Variants in TNFRSF1B observed in about 807,000 individuals in gnomAD.
TNFRSF1B encodes tumor necrosis factor receptor superfamily member 1B.
In TNFRSF1B, 19 loss-of-function variants were observed where a neutral mutation model predicts 44.6. That is an observed-to-expected ratio of 0.43 (90% confidence interval 0.30 to 0.62). TNFRSF1B has a LOEUF of 0.62. TNFRSF1B is among the 20% of genes least tolerant of loss of function. The pLI is 0.16. For missense variants in TNFRSF1B, 541 were observed against 619.9 expected, an observed-to-expected ratio of 0.87 and a Z score of 1.35; for synonymous variants, 252 against 261.1, an observed-to-expected ratio of 0.97 and a Z score of 0.34.
At chr1:12,205,542 C>T (rs1391654283) in intron 9 of TNFRSF1B, among the ~76,000 whole-genome samples, 1 of 152,180 alleles carries the variant, frequency 6.6e-6, no homozygotes, top group East Asian at 1.9e-4. Flanking sequence ...TGTTCACACC[C>T]ATCCAGATGG....
Position 12,189,995 on chromosome 1 carries a change from G to A in TNFRSF1B, c.179-962G>A, listed in dbSNP as rs376949712. ...TGTGTGGCCCAGGATGAGCGAAGGCGAGTACGGTAGGGGAGGAGGAGGAAG... is the reference window on the plus strand; with the variant it reads ...TGTGTGGCCCAGGATGAGCGAAGGCAAGTACGGTAGGGGAGGAGGAGGAAG... On this transcript the variant is annotated intron_variant, in intron 2 of 9. Coordinates refer to ENST00000376259, the MANE Select transcript of TNFRSF1B (RefSeq NM_001066.3). 6.7e-4 allele frequency among the ~76,000 whole-genome samples: 102 copies of A among 152,324 alleles called. 1 individual carries two copies. Among genetic ancestry groups the A allele is most frequent in the South Asian group, 6.0e-3 (29 of 4,830 alleles).
chr1:12,184,574 G>A (rs1366370965), intron 1 of TNFRSF1B, among the ~76,000 whole-genome samples: 3 of 152,202 alleles, frequency 2.0e-5, no homozygotes, highest in African/African-American at 4.8e-5. Flanking sequence ...AGGGGAGGAG[G>A]TGGGAGGCCA....
Position 12,199,228 on chromosome 1 carries a change from G to A in TNFRSF1B, c.901-2739G>A, listed in dbSNP as rs1220668325. On this transcript the variant is annotated intron_variant, in intron 8 of 9. Coordinates refer to ENST00000376259, the MANE Select transcript of TNFRSF1B (RefSeq NM_001066.3). The surrounding 1 kb of genome is among the most constrained non-coding windows in gnomAD (Gnocchi z 4.0). ...AAAAACCCCTTTTGTGGGGTTGTGA[G>A]GAGTGACAATTGGCTGCTTCTCCTC... 6.6e-6 allele frequency among the ~76,000 whole-genome samples: 1 copy of A among 152,232 alleles called. No individual in the cohort carries two copies. Among genetic ancestry groups the A allele is most frequent in the African/African-American group, 2.4e-5 (1 of 41,458 alleles).
At chr1:12,198,659 TGCTGGCTGGCTG>T (rs138944650) in intron 8 of TNFRSF1B, among the ~76,000 whole-genome samples, 4,015 of 141,214 alleles carry the variant, frequency 0.028, 197 homozygotes, top group African/African-American at 0.098. Flanking sequence ...GAGCTGAGGG[TGCTGGCTGGCTG>T]GCTGGCTGGC....
In TNFRSF1B at chr1:12,174,244, CCTTCTCCTTCTCCTTCTT is replaced by C; in HGVS notation, c.78+7081_78+7098del. Among the ~76,000 whole-genome samples the C allele has an allele frequency of 2.1e-5, 3 of 141,136 alleles. No individual in the cohort carries two copies. In the Admixed American group the frequency reaches 2.2e-4, roughly 10 times the overall value. The allele number at this position is 141,136 out of a possible 152,430, so 92.6% of individuals were successfully genotyped here. A position where few individuals can be genotyped will look rare whatever the true frequency, so the allele number is the denominator to read the frequency against. Reference sequence around the variant, plus strand: ...TCCTTCTCCTTCTCCTTCTCCTTCTCCTTCTCCTTCTCCTTCTTCTTCTGATGGAGTCTGACTCCGTTG... The same window carrying C: ...TCCTTCTCCTTCTCCTTCTCCTTCTCCTTCTGATGGAGTCTGACTCCGTTG... On this transcript the variant is annotated intron_variant, in intron 1 of 9. Transcript: ENST00000376259.
intron 8 of TNFRSF1B, among the ~76,000 whole-genome samples, chr1:12,200,926 T>G (rs770125435): frequency 6.6e-6 from 1 of 152,104 alleles, no homozygotes; most frequent in Admixed American, 6.5e-5. Flanking sequence ...TGGCCACAAA[T>G]TATTCTTAAA....
intron 8 of TNFRSF1B, among the ~76,000 whole-genome samples, chr1:12,198,708 T>TTTTTTTTTTTTTTTTAAA: frequency 6.8e-6 from 1 of 146,920 alleles, no homozygotes; most frequent in Non-Finnish European, 1.5e-5. Flanking sequence ...TTTTTTTTTT[T>TTTTTTTTTTTTTTTTAAA]GAGAAAGAGT....
chr1:12,170,728 T>A (rs891574333), intron 1 of TNFRSF1B, among the ~76,000 whole-genome samples: 5 of 152,192 alleles, frequency 3.3e-5, no homozygotes, highest in African/African-American at 1.2e-4. Context: ...AGTGGCGACA[T>A]CTCTGCTCAC....
rs946142188 is a variant in TNFRSF1B at position 12,178,684 on chromosome 1, G to T, written c.79-10112G>T. The stretch of plus-strand genomic sequence containing the variant: ...AGAAGTCAGCACTGCCAGGTCGGGG[G>T]TGGCGGGTCAGGACGTTTGGGCAGA... On this transcript the variant is annotated intron_variant, in intron 1 of 9. Coordinates refer to ENST00000376259, the MANE Select transcript of TNFRSF1B (RefSeq NM_001066.3). This position sits in a 1 kb window ranked among gnomAD's most constrained non-coding sequence, Gnocchi z 4.3. Among the ~76,000 whole-genome samples, 3 of 152,184 alleles carry T rather than the reference G, an allele frequency of 2.0e-5. No homozygotes were observed. The highest frequency in any genetic ancestry group is 4.4e-5 in the Non-Finnish European group (3 of 68,028).
chr1:12,173,338 T>C (rs1638562733), intron 1 of TNFRSF1B, among the ~76,000 whole-genome samples: 1 of 152,170 alleles, frequency 6.6e-6, no homozygotes, highest in South Asian at 2.1e-4. Context: ...CCACTGTCAA[T>C]ATCTTGGTTC....
In TNFRSF1B at chr1:12,207,292, C is replaced by G; in HGVS notation, c.*272C>G. 2.5e-6 allele frequency: 1 copy of G among 392,398 alleles called. No individual in the cohort carries two copies. The allele number at this position is 392,398 out of a possible 1,614,324, so 24.3% of individuals were successfully genotyped here. On this transcript the variant is annotated 3_prime_UTR_variant, in exon 10 of 10. Coordinates refer to ENST00000376259, the MANE Select transcript of TNFRSF1B (RefSeq NM_001066.3). ...ACGTTCGGGGCATGCTGGGGCAAGTCCCTGACTCTCTGTGACCTGCCCCGC... is the reference window on the plus strand; with the variant it reads ...ACGTTCGGGGCATGCTGGGGCAAGTGCCTGACTCTCTGTGACCTGCCCCGC...
chr1:12,181,531 A>G (rs1218422083), intron 1 of TNFRSF1B, among the ~76,000 whole-genome samples: 1 of 151,976 alleles, frequency 6.6e-6, no homozygotes, highest in Non-Finnish European at 1.5e-5. Context: ...AATCCCCCGG[A>G]CCCACTACCC....
intron 1 of TNFRSF1B, among the ~76,000 whole-genome samples, chr1:12,181,533 C>T (rs1298390757): frequency 1.3e-5 from 2 of 152,158 alleles, no homozygotes; most frequent in African/African-American, 4.8e-5. Context: ...TCCCCCGGAC[C>T]CACTACCCTG....
At chr1:12,204,278 CA>C (rs2101127961) in intron 9 of TNFRSF1B, among the ~76,000 whole-genome samples, 1 of 152,316 alleles carries the variant, frequency 6.6e-6, no homozygotes, top group Admixed American at 6.5e-5. Context: ...TCCACCCCCG[CA>C]ATGTCTCATG....
Position 12,167,018 on chromosome 1 carries a change from C to A in TNFRSF1B, c.-74C>A. On this transcript the variant is annotated 5_prime_UTR_variant, in exon 1 of 10. Coordinates refer to ENST00000376259, the MANE Select transcript of TNFRSF1B (RefSeq NM_001066.3). The stretch of plus-strand genomic sequence containing the variant: ...TCGAGGGCTAGCGAGCGCAGCGGAG[C>A]CTGGAGAGAAGGCGCTGGGCTGCGA... The A allele has an allele frequency of 9.1e-7, 1 of 1,096,052 alleles. No homozygotes were observed. 67.9% of individuals were successfully genotyped at this position (1,096,052 alleles called of 1,614,324 possible). A position where few individuals can be genotyped will look rare whatever the true frequency, so the allele number is the denominator to read the frequency against.
chr1:12,205,580 C>T (rs780044744), intron 9 of TNFRSF1B, among the ~76,000 whole-genome samples: 19 of 152,116 alleles, frequency 1.2e-4, no homozygotes, highest in Non-Finnish European at 2.6e-4. Context: ...CATAGCCCAC[C>T]ATGCAGCAGC....
At position 12,207,175 on chromosome 1, in the gene TNFRSF1B, C is replaced by G. The variant is rs1639524623; in HGVS notation, c.*155C>G. 1.4e-6 allele frequency: 1 copy of G among 725,554 alleles called. No homozygotes were observed. Among genetic ancestry groups the G allele is most frequent in the Non-Finnish European group, 2.1e-6 (1 of 483,440 alleles). The allele number at this position is 725,554 out of a possible 1,614,324, so 44.9% of individuals were successfully genotyped here. ...TAGTGCCCTCCACAGCCGCAGCCTCCCTCTGACCTGCAGGCCAAGAGCAGA... is the reference window on the plus strand; with the variant it reads ...TAGTGCCCTCCACAGCCGCAGCCTCGCTCTGACCTGCAGGCCAAGAGCAGA... On this transcript the variant is annotated 3_prime_UTR_variant, in exon 10 of 10. Transcript: ENST00000376259.
rs567596893 is a variant in TNFRSF1B at position 12,202,017 on chromosome 1, G to A, written c.951G>A (p.Gln317=). 6.2e-7 allele frequency: 1 copy of A among 1,612,994 alleles called. No homozygotes were observed. Among genetic ancestry groups the A allele is most frequent in the South Asian group, 1.1e-5 (1 of 90,898 alleles). ...GGGGTACACAGGGCCCCGAGCAGCA[G>A]CACCTGCTGATCACAGCGCCGAGCT... is the stretch of plus-strand genomic sequence containing the variant. ...KARGTQGPEQ[Q]HLLITAPSSS... Residue 317 remains glutamine, a synonymous_variant, in exon 9 of 10, where the codon CAG becomes CAA. Coordinates refer to ENST00000376259, the MANE Select transcript of TNFRSF1B (RefSeq NM_001066.3).
chr1:12,204,776 T>G (rs909215601), intron 9 of TNFRSF1B, among the ~76,000 whole-genome samples: 1 of 150,402 alleles, frequency 6.6e-6, no homozygotes, highest in Non-Finnish European at 1.5e-5. Flanking sequence ...TGGTAATCAA[T>G]TCACTTAAAA....
Sources: gnomAD v4.1 joint callset for allele counts (sites outside exome capture counted in the v4.1 genomes callset) on GRCh38, gnomAD v4.1.1 for gene constraint, Gnocchi (gnomAD v3.1) non-coding constraint, MANE v1.5 for transcripts, NCBI Gene and HGNC (gene_info 2026-07-23, HGNC 2026-07-21) for gene names.